The following PLCG2 variants were observed in gnomAD, a reference collection of about 807,000 sequenced individuals.
The protein encoded by PLCG2 is phospholipase C gamma 2.
PLCG2 carries 69 observed loss-of-function variants against 175.6 expected under a neutral mutation model. That is an observed-to-expected ratio of 0.39 (90% confidence interval 0.32 to 0.48). The LOEUF (loss-of-function observed/expected upper bound fraction) is 0.48, where lower values mean the gene tolerates loss of function less well. PLCG2 is among the 20% of genes least tolerant of loss of function. The probability of loss-of-function intolerance (pLI) is 0.91; values close to 1 mark genes in which losing one functional copy is unlikely to be tolerated. For missense variants in PLCG2, 1,798 were observed against 1,650.9 expected (o/e 1.09, Z -1.54); for synonymous variants, 827 against 624.0 (o/e 1.33, Z -4.85).
chr16:81,949,841 G>C (rs1447208151), intron 31 of PLCG2, among the ~76,000 whole-genome samples: 4 of 152,088 alleles, frequency 2.6e-5, no homozygotes, highest in Non-Finnish European at 4.4e-5. Flanking sequence ...GGCATGGAAA[G>C]GTAAAATAAA....
chr16:81,740,808 G>T (rs888656368), intron 1 of PLCG2, among the ~76,000 whole-genome samples: 1 of 149,932 alleles, frequency 6.7e-6, no homozygotes, highest in African/African-American at 2.5e-5. Flanking sequence ...CCCACTGTGG[G>T]TGCAGAGGCC....
chr16:81,923,805 T>C (rs1910154347), intron 22 of PLCG2, among the ~76,000 whole-genome samples: 1 of 152,200 alleles, frequency 6.6e-6, no homozygotes, highest in African/African-American at 2.4e-5. Context: ...TATCGACATA[T>C]CATATCATAT....
intron 19 of PLCG2, among the ~76,000 whole-genome samples, 178 bp from the exon 20 acceptor site, chr16:81,919,306 A>C (rs545069921): frequency 6.6e-6 from 1 of 152,346 alleles, no homozygotes; most frequent in Non-Finnish European, 1.5e-5. Context: ...TCTGTTTTGA[A>C]AATACCCACA....
chr16:81,938,719 C>A, intron 28 of PLCG2, 82 bp from the exon 29 acceptor site: 2 of 782,754 alleles, frequency 2.6e-6, no homozygotes, highest in South Asian at 3.1e-5. Context: ...TCCAGTGTCA[C>A]TCTAGAACCC....
Position 81,900,790 on chromosome 16 carries a change from C to A in PLCG2, c.1362+10C>A. 6.3e-7 allele frequency: 1 copy of A among 1,591,654 alleles called. No individual in the cohort carries two copies. The highest frequency in any genetic ancestry group is 8.6e-7 in the Non-Finnish European group (1 of 1,161,886). ...GAAGATCATCATCAAGGTAGGCACCCCGGGTGCTGCTGTTGGCTGTCCAGG... is the reference window on the plus strand; with the variant it reads ...GAAGATCATCATCAAGGTAGGCACCACGGGTGCTGCTGTTGGCTGTCCAGG... On this transcript the variant is annotated intron_variant, in intron 14 of 32. Coordinates refer to ENST00000564138, the MANE Select transcript of PLCG2 (RefSeq NM_002661.5).
At chr16:81,913,970 G>T (rs1467418919) in intron 19 of PLCG2, among the ~76,000 whole-genome samples, 1 of 152,238 alleles carries the variant, frequency 6.6e-6, no homozygotes, top group African/African-American at 2.4e-5. Flanking sequence ...CACCAGCATG[G>T]CTTTTCTGTA....
At chr16:81,940,899 A>C (rs2143739849) in intron 30 of PLCG2, among the ~76,000 whole-genome samples, 1 of 152,272 alleles carries the variant, frequency 6.6e-6, no homozygotes, top group South Asian at 2.1e-4. Flanking sequence ...CTGGATGTTG[A>C]ATTTTCCTTC....
chr16:81,958,971 T>A lies in PLCG2; in HGVS notation c.*973T>A, dbSNP rs1004644449. 3 of 223,548 alleles carry A rather than the reference T, an allele frequency of 1.3e-5. No individual in the cohort carries two copies. Among genetic ancestry groups the A allele is most frequent in the Non-Finnish European group, 2.7e-5 (3 of 112,010 alleles). The allele number at this position is 223,548 out of a possible 1,614,324, so 13.8% of individuals were successfully genotyped here. On this transcript the variant is annotated 3_prime_UTR_variant, in exon 33 of 33. Coordinates refer to ENST00000564138, the MANE Select transcript of PLCG2 (RefSeq NM_002661.5). ...AAGCATTAGGGTGTTACAGAAAATTTCAAATGCAGCCATCTCCCTTGGGGC... is the reference window on the plus strand; with the variant it reads ...AAGCATTAGGGTGTTACAGAAAATTACAAATGCAGCCATCTCCCTTGGGGC...
intron 1 of PLCG2, among the ~76,000 whole-genome samples, chr16:81,748,403 T>G (rs554460825): frequency 5.7e-5 from 8 of 139,334 alleles, no homozygotes; most frequent in African/African-American, 1.9e-4. Context: ...CTTAAAAAAT[T>G]AAAAAAAAAA....
intron 5 of PLCG2, among the ~76,000 whole-genome samples, chr16:81,866,826 G>A (rs1334603039): frequency 6.6e-6 from 1 of 152,226 alleles, no homozygotes; most frequent in Non-Finnish European, 1.5e-5. Context: ...TGCCGCTCTG[G>A]TAGCGCCTGT....
intron 7 of PLCG2, among the ~76,000 whole-genome samples, chr16:81,878,156 G>A (rs578093960): frequency 6.6e-5 from 10 of 151,424 alleles, no homozygotes; most frequent in Middle Eastern, 3.4e-3. Flanking sequence ...CTAATTTTTT[G>A]TATTTTTTTA....
At chr16:81,825,613 T>A (rs1183612069) in intron 2 of PLCG2, among the ~76,000 whole-genome samples, 1 of 152,218 alleles carries the variant, frequency 6.6e-6, no homozygotes, top group Non-Finnish European at 1.5e-5. Context: ...TCTAATCTTT[T>A]AGAGCAGTAA....
intron 7 of PLCG2, among the ~76,000 whole-genome samples, chr16:81,874,992 CT>C: frequency 1.3e-5 from 1 of 75,960 alleles, no homozygotes; most frequent in Admixed American, 2.0e-4. Context: ...GAGACAGAGT[CT>C]TTCTCTGTTG....
chr16:81,899,275 TATATATATATATATACACACAC>T (rs1909035916), intron 13 of PLCG2, among the ~76,000 whole-genome samples: 1 of 131,648 alleles, frequency 7.6e-6, no homozygotes, highest in Non-Finnish European at 1.6e-5. Context: ...TGTGTGTATA[TATATATATATATATACACACAC>T]ACACACATAA....
intron 17 of PLCG2, 61 bp from the exon 18 acceptor site, chr16:81,910,459 C>A: frequency 6.7e-7 from 1 of 1,481,528 alleles, no homozygotes; most frequent in Non-Finnish European, 9.4e-7. Context: ...CTCTGAGGCC[C>A]TGGCTGCCGC....
chr16:81,851,241 T>G (rs552468151), intron 2 of PLCG2, among the ~76,000 whole-genome samples: 19 of 152,256 alleles, frequency 1.2e-4, no homozygotes, highest in Non-Finnish European at 2.8e-4. Flanking sequence ...CTGTGAACCA[T>G]TCATTTAGCT....
intron 2 of PLCG2, among the ~76,000 whole-genome samples, chr16:81,773,044 C>G (rs949671412): frequency 9.9e-5 from 15 of 152,218 alleles, no homozygotes; most frequent in African/African-American, 3.4e-4. Flanking sequence ...GTGGGGGAAG[C>G]TGATCCATCC....
chr16:81,889,550 A>T (rs1344389488), intron 10 of PLCG2, among the ~76,000 whole-genome samples: 1 of 151,908 alleles, frequency 6.6e-6, no homozygotes, highest in African/African-American at 2.4e-5. Flanking sequence ...GAAAGAGCTT[A>T]ACTCACTTAG....
rs751118241 is a variant in PLCG2 at position 81,928,555 on chromosome 16, C to A, written c.2515-3C>A. 6.3e-7 allele frequency: 1 copy of A among 1,589,344 alleles called. No individual in the cohort carries two copies. Among genetic ancestry groups the A allele is most frequent in the Non-Finnish European group, 8.6e-7 (1 of 1,157,416 alleles). ...ACGTGAGTTATGTCTTGTTTCTTCA[C>A]AGATTATTGAAGACAATCCCTTAGG... On this transcript the variant is annotated splice_region_variant and splice_polypyrimidine_tract_variant and intron_variant, in intron 23 of 32. Coordinates refer to ENST00000564138, the MANE Select transcript of PLCG2 (RefSeq NM_002661.5).
Sources: gnomAD v4.1 joint callset for allele counts (sites outside exome capture counted in the v4.1 genomes callset) on GRCh38, gnomAD v4.1.1 for gene constraint, MANE v1.5 for transcripts, NCBI Gene and HGNC (gene_info 2026-07-23, HGNC 2026-07-21) for gene names.